The following RAPGEF2 variants were observed in gnomAD, a reference collection of about 807,000 sequenced individuals.
RAPGEF2 encodes the protein Rap guanine nucleotide exchange factor 2.
In RAPGEF2, 54 loss-of-function variants were observed where a neutral mutation model predicts 186.7. The observed-to-expected ratio is 0.29, with a 90% CI of 0.23 to 0.36. The LOEUF (loss-of-function observed/expected upper bound fraction) is 0.36. RAPGEF2 is among the 10% of genes least tolerant of loss of function. The pLI, the probability that RAPGEF2 is intolerant of heterozygous loss-of-function variation, is 1.00. For synonymous variants in RAPGEF2, 712 were observed against 705.9 expected, an observed-to-expected ratio of 1.01 and a Z score of -0.14; for missense variants, 1,532 against 2,045.0, an observed-to-expected ratio of 0.75 and a Z score of 4.84.
chr4:159,208,254 G>GA (rs747435657), intron 3 of RAPGEF2, among the ~76,000 whole-genome samples: 5 of 152,210 alleles, frequency 3.3e-5, no homozygotes, highest in Non-Finnish European at 5.9e-5. Flanking sequence ...GTTGTAAATA[G>GA]AATTTAGTGT....
At chr4:159,250,705 C>G (rs1229575006) in intron 7 of RAPGEF2, among the ~76,000 whole-genome samples, 1 of 135,436 alleles carries the variant, frequency 7.4e-6, no homozygotes. Context: ...GTCTCTTGCT[C>G]TGTCACCCAA....
At chr4:159,267,282 C>T (rs1220033553) in intron 7 of RAPGEF2, 1 of 1,289,286 alleles carries the variant, frequency 7.8e-7, no homozygotes, top group South Asian at 1.2e-5. Context: ...GTTGCTATGC[C>T]AACTGCCTGC....
At chr4:159,174,099 A>G (rs905231885) in intron 1 of RAPGEF2, among the ~76,000 whole-genome samples, 2 of 152,256 alleles carry the variant, frequency 1.3e-5, no homozygotes, top group African/African-American at 2.4e-5. Flanking sequence ...TGTTAACAAA[A>G]TGAGTTTTTG....
rs561028795 is a variant in RAPGEF2, at chr4:159,308,600, C to T, written c.675+4127C>T. ...TTCTGATTTCAGAGGTCTCCTGTCA[C>T]ATTGAAGTGAGAATAAATGCTCACA... On this transcript the variant is annotated intron_variant, in intron 8 of 29. Transcript: ENST00000691494. 3.3e-5 allele frequency among the ~76,000 whole-genome samples: 5 copies of T among 152,128 alleles called. No individual in the cohort carries two copies. The South Asian group carries it at 1.0e-3, about 32-fold the overall frequency.
intron 1 of RAPGEF2, among the ~76,000 whole-genome samples, chr4:159,107,367 T>TA (rs1308188994): frequency 6.6e-6 from 1 of 152,182 alleles, no homozygotes; most frequent in Admixed American, 6.5e-5. Flanking sequence ...CCCCAAGGCT[T>TA]ATACAATAAA....
chr4:159,228,106 T>A (rs1267657469), intron 4 of RAPGEF2: 1 of 152,128 alleles, frequency 6.6e-6, no homozygotes, highest in Non-Finnish European at 1.5e-5. Context: ...GAGGCTGGTA[T>A]GCGAAAAGAG....
intron 1 of RAPGEF2, among the ~76,000 whole-genome samples, chr4:159,162,886 A>AC (rs1554002567): frequency 1.3e-5 from 2 of 151,460 alleles, no homozygotes; most frequent in Non-Finnish European, 2.9e-5. Context: ...GTTCCTTGTA[A>AC]TTTTTTTTTC....
At position 159,323,444 on chromosome 4, in the gene RAPGEF2, A is replaced by AT. The variant is rs1299000231; in HGVS notation, c.991-8dup. The AT allele has an allele frequency of 5.1e-6, 8 of 1,574,614 alleles. No homozygotes were observed. The highest frequency in any genetic ancestry group is 2.4e-5 in the South Asian group (2 of 84,996). ...TGATGTTACTTTCTGCTTTGTCTTTATTTTTTTGGATTAGCTGGACTCCTG... is the reference window on the plus strand; with the variant it reads ...TGATGTTACTTTCTGCTTTGTCTTTATTTTTTTTGGATTAGCTGGACTCCTG... On this transcript the variant is annotated splice_polypyrimidine_tract_variant and intron_variant, in intron 10 of 29. Transcript: ENST00000691494.
intron 1 of RAPGEF2, among the ~76,000 whole-genome samples, chr4:159,123,084 A>G (rs558819931): frequency 6.6e-6 from 1 of 152,246 alleles, no homozygotes. Flanking sequence ...AGAAAATAGT[A>G]TACAATACAA....
At chr4:159,204,908 C>G (rs1749814847) in intron 3 of RAPGEF2, among the ~76,000 whole-genome samples, 1 of 152,074 alleles carries the variant, frequency 6.6e-6, no homozygotes, top group Admixed American at 6.5e-5. Context: ...TTGCCCAGTA[C>G]TGGTAGTGTC....
At chr4:159,106,285 G>T (rs1224163017) in intron 1 of RAPGEF2, among the ~76,000 whole-genome samples, 1 of 152,092 alleles carries the variant, frequency 6.6e-6, no homozygotes, top group Non-Finnish European at 1.5e-5. Context: ...ATGTTCGTTT[G>T]GTTATTACTA....
At chr4:159,340,419 T>C (rs1007016276) in intron 19 of RAPGEF2, among the ~76,000 whole-genome samples, 2 of 152,182 alleles carry the variant, frequency 1.3e-5, no homozygotes, top group Non-Finnish European at 2.9e-5. Context: ...ACATTCATTA[T>C]TGAAGAAAAT....
At chr4:159,270,955 G>C (rs1029148518) in intron 7 of RAPGEF2, among the ~76,000 whole-genome samples, 3 of 152,128 alleles carry the variant, frequency 2.0e-5, no homozygotes, top group African/African-American at 7.2e-5. Flanking sequence ...AAAATCTTGT[G>C]ATTTCTTTTT....
At position 159,358,775 on chromosome 4, in the gene RAPGEF2, T is replaced by C. The variant is rs892181909; in HGVS notation, c.*636T>C. ...ACCTTAAGTAGGGTTGCCAGCCTGGTTTCTGAAAAACCAAATATGCCGGAC... is the reference window on the plus strand; with the variant it reads ...ACCTTAAGTAGGGTTGCCAGCCTGGCTTCTGAAAAACCAAATATGCCGGAC... On this transcript the variant is annotated 3_prime_UTR_variant, in exon 30 of 30. Transcript: ENST00000691494. The C allele has an allele frequency of 6.6e-6, 1 of 152,186 alleles. No individual in the cohort carries two copies. The highest frequency in any genetic ancestry group is 1.5e-5 in the Non-Finnish European group (1 of 68,032). The allele number at this position is 152,186 out of a possible 1,614,324, so 9.4% of individuals were successfully genotyped here.
intron 8 of RAPGEF2, among the ~76,000 whole-genome samples, chr4:159,310,256 C>A (rs1307430906): frequency 6.6e-6 from 1 of 152,034 alleles, no homozygotes; most frequent in African/African-American, 2.4e-5. Context: ...TTAAAATAAG[C>A]ATTTATAGAC....
chr4:159,221,757 A>G (rs1235384737), intron 4 of RAPGEF2, among the ~76,000 whole-genome samples: 2 of 152,194 alleles, frequency 1.3e-5, no homozygotes, highest in African/African-American at 2.4e-5. Flanking sequence ...TGTCCTACTG[A>G]AAGTTGACTC....
At chr4:159,116,038 A>G (rs1205442769) in intron 1 of RAPGEF2, among the ~76,000 whole-genome samples, 3 of 152,244 alleles carry the variant, frequency 2.0e-5, no homozygotes, top group Non-Finnish European at 4.4e-5. Flanking sequence ...CAAAGATTTT[A>G]TGATGAAAAC....
At position 159,136,727 on chromosome 4, in the gene RAPGEF2, C is replaced by T. The variant is rs1232688817; in HGVS notation, c.69+32496C>T. Among the ~76,000 whole-genome samples the T allele has an allele frequency of 2.0e-5, 3 of 152,052 alleles. No homozygotes were observed. In the East Asian group the frequency reaches 5.8e-4, roughly 29 times the overall value. ...GTTTTCTATAATTATATATTTTACT[C>T]TAATAATAGTTTCTGGTGTTTGAAG... On this transcript the variant is annotated intron_variant, in intron 1 of 29. Coordinates refer to ENST00000691494, the MANE Select transcript of RAPGEF2 (RefSeq NM_001394067.2).
chr4:159,300,447 AAAAT>A (rs1396809256), intron 7 of RAPGEF2, among the ~76,000 whole-genome samples: 1 of 151,952 alleles, frequency 6.6e-6, no homozygotes, highest in Non-Finnish European at 1.5e-5. Flanking sequence ...ATCGAATATT[AAAAT>A]AAATATTTAA....
Sources: allele counts gnomAD v4.1 joint callset (sites outside exome capture counted in the v4.1 genomes callset), GRCh38; gene constraint gnomAD v4.1.1; transcripts MANE v1.5; gene names NCBI Gene and HGNC (gene_info 2026-07-23, HGNC 2026-07-21).